The following XRCC5 variants were observed in gnomAD, a reference collection of about 807,000 sequenced individuals.
The protein encoded by XRCC5 is X-ray repair cross complementing 5.
XRCC5 carries 12 observed loss-of-function variants against 95.7 expected under a neutral mutation model. The ratio of observed to expected loss-of-function variants is 0.13; its 90% CI spans 0.08 to 0.20. The LOEUF (loss-of-function observed/expected upper bound fraction) is 0.20. Ranked by LOEUF, XRCC5 falls within the 10% of genes least tolerant of loss-of-function variation. The pLI, the probability that XRCC5 is intolerant of heterozygous loss-of-function variation, is 1.00. For synonymous variants in XRCC5, 281 were observed against 290.3 expected (o/e 0.97, Z 0.33); for missense variants, 595 against 873.9 (o/e 0.68, Z 4.02).
intron 16 of XRCC5, among the ~76,000 whole-genome samples, chr2:216,178,718 G>A (rs1689323914): frequency 6.6e-6 from 1 of 152,056 alleles, no homozygotes; most frequent in Admixed American, 6.6e-5. Context: ...CTTCAATAGA[G>A]CTTTATTGTA....
intron 19 of XRCC5, among the ~76,000 whole-genome samples, chr2:216,197,881 A>C (rs1489815029): frequency 6.6e-6 from 1 of 152,188 alleles, no homozygotes. Flanking sequence ...TATTTAGATA[A>C]CACTTTGACT....
chr2:216,137,338 A>T, intron 11 of XRCC5, 113 bp downstream of exon 11: 1 of 1,272,336 alleles, frequency 7.9e-7, no homozygotes, highest in Non-Finnish European at 1.1e-6. Context: ...TAAAATGCAG[A>T]TCCTCATTGT....
Position 216,138,072 on chromosome 2 carries a change from CCTTT to C in XRCC5, c.1252-10_1252-7del, listed in dbSNP as rs1697117043. The C allele has an allele frequency of 1.9e-6, 3 of 1,581,048 alleles. No individual in the cohort carries two copies. The highest frequency in any genetic ancestry group is 2.6e-6 in the Non-Finnish European group (3 of 1,158,984). Reference sequence around the variant, plus strand: ...AATTTCATCGTTTCTGCTTTTACCCCCTTTCTTTCTCATTAGTGTTTAGTGTATG... The same window carrying C: ...AATTTCATCGTTTCTGCTTTTACCCCCTTTCTCATTAGTGTTTAGTGTATG... On this transcript the variant is annotated splice_polypyrimidine_tract_variant and intron_variant, in intron 11 of 20. Transcript: ENST00000392132.
chr2:216,180,310 G>A (rs1048882796), intron 16 of XRCC5, among the ~76,000 whole-genome samples: 1 of 152,172 alleles, frequency 6.6e-6, no homozygotes, highest in Admixed American at 6.5e-5. Flanking sequence ...GCAGATGCAG[G>A]TAGGTGACTA....
intron 1 of XRCC5, among the ~76,000 whole-genome samples, chr2:216,112,456 C>G (rs1480766582): frequency 6.6e-6 from 1 of 152,192 alleles, no homozygotes; most frequent in African/African-American, 2.4e-5. Flanking sequence ...TGTCTGTGTC[C>G]TCTACTAGAA....
chr2:216,199,204 T>C (rs1339736523), intron 19 of XRCC5, among the ~76,000 whole-genome samples: 1 of 152,236 alleles, frequency 6.6e-6, no homozygotes, highest in Admixed American at 6.5e-5. Flanking sequence ...CCATAAGTTA[T>C]TTAAAGTTAG....
intron 13 of XRCC5, among the ~76,000 whole-genome samples, chr2:216,145,107 A>G (rs1688600056): frequency 1.3e-5 from 2 of 152,300 alleles, no homozygotes; most frequent in Admixed American, 1.3e-4. Flanking sequence ...TTGGGGACAC[A>G]GAATCAGTTG....
At chr2:216,197,380 G>A (rs1372222132) in intron 19 of XRCC5, among the ~76,000 whole-genome samples, 1 of 151,168 alleles carries the variant, frequency 6.6e-6, no homozygotes, top group Non-Finnish European at 1.5e-5. Context: ...GGGAGGCAGA[G>A]GTTGGGGTGA....
At chr2:216,148,830 A>G (rs1688687117) in intron 14 of XRCC5, among the ~76,000 whole-genome samples, 1 of 152,198 alleles carries the variant, frequency 6.6e-6, no homozygotes, top group Non-Finnish European at 1.5e-5. Flanking sequence ...ATACACTTAA[A>G]TCAAGCTTAC....
intron 18 of XRCC5, 86 bp from the exon 19 acceptor site, chr2:216,194,833 A>T: frequency 8.1e-7 from 1 of 1,236,412 alleles, no homozygotes; most frequent in Non-Finnish European, 1.2e-6. Flanking sequence ...CTTCAGCTCA[A>T]AGGTGGGAGG....
intron 12 of XRCC5, among the ~76,000 whole-genome samples, chr2:216,139,208 G>A (rs1180189190): frequency 6.6e-6 from 1 of 152,144 alleles, no homozygotes; most frequent in Admixed American, 6.6e-5. Flanking sequence ...GTGCAGCGGC[G>A]TGATCATAGC....
chr2:216,112,685 T>C (rs1210192383), intron 1 of XRCC5, among the ~76,000 whole-genome samples: 1 of 152,234 alleles, frequency 6.6e-6, no homozygotes, highest in South Asian at 2.1e-4. Flanking sequence ...ATATTGGGCA[T>C]AAATGGGTTT....
At chr2:216,126,150 G>A in intron 7 of XRCC5, 119 bp downstream of exon 7, 1 of 755,904 alleles carries the variant, frequency 1.3e-6, no homozygotes, top group East Asian at 2.7e-5. Context: ...TTTTCTAGTT[G>A]TTCTCCCTGC....
At position 216,177,260 on chromosome 2, in the gene XRCC5, C is replaced by T. The variant is rs150839602; in HGVS notation, c.1835-12965C>T. ...TTTGACTTTCTATCTAGTTGTTTTC[C>T]GTGACGTTTTGAGTATTGAAAGTTA... On this transcript the variant is annotated intron_variant, in intron 16 of 20. Transcript: ENST00000392132. Among the ~76,000 whole-genome samples, 671 of 152,198 alleles carry T rather than the reference C, an allele frequency of 4.4e-3. 2 individuals are homozygous for T. Among genetic ancestry groups the T allele is most frequent in the African/African-American group, 0.015 (630 of 41,516 alleles).
chr2:216,156,941 G>A (rs1339797901), intron 14 of XRCC5: 3 of 312,110 alleles, frequency 9.6e-6, no homozygotes, highest in Admixed American at 4.0e-5. Context: ...GGAGAGTTTC[G>A]AGAGATTTAT....
At chr2:216,188,802 T>G (rs932590234) in intron 16 of XRCC5, among the ~76,000 whole-genome samples, 1 of 152,208 alleles carries the variant, frequency 6.6e-6, no homozygotes, top group African/African-American at 2.4e-5. Flanking sequence ...CTGAACATTC[T>G]CTCTCTATTT....
At chr2:216,137,975 C>T in intron 11 of XRCC5, 114 bp from the exon 12 acceptor site, 1 of 844,074 alleles carries the variant, frequency 1.2e-6, no homozygotes, top group East Asian at 2.7e-5. Flanking sequence ...CAGAGTTGGG[C>T]TGTCCGATTT....
intron 12 of XRCC5, among the ~76,000 whole-genome samples, chr2:216,140,696 A>G (rs980946016): frequency 6.6e-6 from 1 of 152,204 alleles, no homozygotes; most frequent in Non-Finnish European, 1.5e-5. Context: ...GCTCACCCTG[A>G]TCCAATGGTG....
Position 216,148,183 on chromosome 2 carries a change from G to A in XRCC5, c.1577G>A (p.Ser526Asn), listed in dbSNP as rs1688675596. ...LNPPAEVTTK[S>N]QIPLSKIKTL... ...CCTCCCGCTGAGGTGACAACAAAAA[G>A]TCAGATTCCTCTCTCTAAAATAAAG... The change falls in exon 14 of 21, where the codon AGT becomes AAT. Residue 526 changes from serine (S) to asparagine (N), a missense_variant. Transcript: ENST00000392132. The A allele has an allele frequency of 6.2e-7, 1 of 1,614,092 alleles. No individual in the cohort carries two copies. The highest frequency in any genetic ancestry group is 8.5e-7 in the Non-Finnish European group (1 of 1,179,998).
Sources: gnomAD v4.1 joint callset for allele counts (sites outside exome capture counted in the v4.1 genomes callset) on GRCh38, gnomAD v4.1.1 for gene constraint, MANE v1.5 for transcripts, NCBI Gene and HGNC (gene_info 2026-07-23, HGNC 2026-07-21) for gene names.